The following KDM2A variants were observed in gnomAD, a reference collection of about 807,000 sequenced individuals.
The protein encoded by KDM2A is lysine demethylase 2A, also known as lysine-specific demethylase 2A.
Under a neutral mutation model 137.3 loss-of-function variants are expected in KDM2A, and 3 were observed. That is an observed-to-expected ratio of 0.02 (90% CI 0.01 to 0.06). KDM2A has a LOEUF of 0.06. KDM2A is among the 10% of genes least tolerant of loss of function. The pLI is 1.00. For missense variants in KDM2A, 738 were observed against 1,510.6 expected, an observed-to-expected ratio of 0.49 and a Z score of 8.48; for synonymous variants, 512 against 541.5, an observed-to-expected ratio of 0.95 and a Z score of 0.76.
At chr11:67,158,446 A>G (rs923108967) in intron 2 of KDM2A, among the ~76,000 whole-genome samples, 1 of 152,174 alleles carries the variant, frequency 6.6e-6, no homozygotes, top group Non-Finnish European at 1.5e-5. Context: ...AGCACATTTT[A>G]TGGTAAGAGT....
intron 5 of KDM2A, among the ~76,000 whole-genome samples, chr11:67,198,335 A>C (rs1449869930): frequency 6.6e-6 from 1 of 151,464 alleles, no homozygotes; most frequent in Non-Finnish European, 1.5e-5. Flanking sequence ...TTTTTTTAAC[A>C]AATTGAAGGT....
chr11:67,240,020 G>GCTCGGCTCCCC, intron 12 of KDM2A: 1 of 1,288,666 alleles, frequency 7.8e-7, no homozygotes, highest in South Asian at 2.5e-5. Context: ...GCTCACTCTC[G>GCTCGGCTCCCC]CTCGGCTCCC....
At chr11:67,234,492 T>C (rs1858809734) in intron 12 of KDM2A, among the ~76,000 whole-genome samples, 1 of 152,188 alleles carries the variant, frequency 6.6e-6, no homozygotes, top group South Asian at 2.1e-4. Context: ...TAAAAGGGCT[T>C]TTTTTAGGTT....
chr11:67,224,181 C>T (rs914001629), intron 10 of KDM2A, among the ~76,000 whole-genome samples: 2 of 152,162 alleles, frequency 1.3e-5, no homozygotes, highest in Non-Finnish European at 2.9e-5. Context: ...GAACACTACC[C>T]GATATAGAGT....
At chr11:67,224,439 C>T (rs75987494) in intron 10 of KDM2A, among the ~76,000 whole-genome samples, 6 of 149,780 alleles carry the variant, frequency 4.0e-5, no homozygotes, top group Admixed American at 6.7e-5. Flanking sequence ...AGACCCTGTC[C>T]GTACCAAAAA....
At chr11:67,193,144 C>T (rs1857397465) in intron 5 of KDM2A, among the ~76,000 whole-genome samples, 1 of 152,136 alleles carries the variant, frequency 6.6e-6, no homozygotes, top group Non-Finnish European at 1.5e-5. Context: ...CTCTTGCCAC[C>T]ACACCCGGCT....
At chr11:67,209,793 G>A (rs1321423180) in intron 6 of KDM2A, among the ~76,000 whole-genome samples, 2 of 152,166 alleles carry the variant, frequency 1.3e-5, no homozygotes, top group African/African-American at 4.8e-5. Context: ...ACACACGTTG[G>A]CTCATGCCTG....
At chr11:67,138,043 G>T (rs1856006542) in intron 2 of KDM2A, among the ~76,000 whole-genome samples, 1 of 152,088 alleles carries the variant, frequency 6.6e-6, no homozygotes, top group African/African-American at 2.4e-5. Flanking sequence ...TGATTCGCCT[G>T]CCTCAGCCTC....
intron 2 of KDM2A, among the ~76,000 whole-genome samples, chr11:67,126,242 G>A (rs1196248705): frequency 7.4e-6 from 1 of 135,602 alleles, no homozygotes; most frequent in Non-Finnish European, 1.6e-5. Flanking sequence ...GCAAAACTCC[G>A]TCTCAAAAAA....
chr11:67,120,199 C>A (rs1438272138), intron 1 of KDM2A, 150 bp downstream of exon 1: 1 of 152,418 alleles, frequency 6.6e-6, no homozygotes, highest in African/African-American at 2.4e-5. Flanking sequence ...CCTTTTTCCT[C>A]TCCGGCCCTG....
intron 12 of KDM2A, among the ~76,000 whole-genome samples, chr11:67,232,624 A>G (rs1451085361): frequency 6.7e-6 from 1 of 150,184 alleles, no homozygotes; most frequent in Non-Finnish European, 1.5e-5. Context: ...TCCTAATGCT[A>G]TCCCTCCTCC....
rs1859401058 is a variant in KDM2A at position 67,250,880 on chromosome 11, G to A, written c.2768+82G>A. ...TCCATATGAGAACAGCATGCACCTT[G>A]GCATCTGAAAGCCTGTGGGGTCTTA... On this transcript the variant is annotated intron_variant, in intron 17 of 20. Transcript: ENST00000529006. This position sits in a 1 kb window ranked among gnomAD's most constrained non-coding sequence, Gnocchi z 7.1. 1.9e-6 allele frequency: 2 copies of A among 1,074,692 alleles called. No individual in the cohort carries two copies. The highest frequency in any genetic ancestry group is 1.6e-5 in the African/African-American group (1 of 63,378). The allele number at this position is 1,074,692 out of a possible 1,614,324, so 66.6% of individuals were successfully genotyped here.
At chr11:67,156,898 A>G (rs1018815124) in intron 2 of KDM2A, among the ~76,000 whole-genome samples, 1 of 151,542 alleles carries the variant, frequency 6.6e-6, no homozygotes, top group Non-Finnish European at 1.5e-5. Flanking sequence ...TCAAAAAGAA[A>G]ATATGAAATA....
intron 8 of KDM2A, 172 bp from the exon 9 acceptor site, chr11:67,217,559 T>A: frequency 1.6e-6 from 1 of 622,758 alleles, no homozygotes; most frequent in South Asian, 1.9e-5. Context: ...ATAAGAAAGA[T>A]CTACTGCCTT....
chr11:67,241,069 T>C (rs1423695996), intron 12 of KDM2A, among the ~76,000 whole-genome samples: 1 of 152,240 alleles, frequency 6.6e-6, no homozygotes, highest in Non-Finnish European at 1.5e-5. Context: ...GCAGTCTGTT[T>C]TGCTGAAAGT....
intron 2 of KDM2A, among the ~76,000 whole-genome samples, chr11:67,137,024 G>A (rs1432547509): frequency 6.6e-6 from 1 of 152,166 alleles, no homozygotes; most frequent in East Asian, 1.9e-4. Context: ...CCTGAGAGAG[G>A]CTTTGAAGTT....
intron 5 of KDM2A, 25 bp downstream of exon 5, chr11:67,181,917 G>A (rs1857099742): frequency 1.2e-6 from 2 of 1,606,678 alleles, no homozygotes; most frequent in African/African-American, 2.7e-5. Flanking sequence ...TTTGGCCTCT[G>A]TCTTTAAGGC....
Position 67,255,380 on chromosome 11 carries a change from T to G in KDM2A, c.*325T>G. On this transcript the variant is annotated 3_prime_UTR_variant, in exon 21 of 21. Coordinates refer to ENST00000529006, the MANE Select transcript of KDM2A (RefSeq NM_012308.3). ...TTGGGGTGTTTGTGCAACCTTCATC[T>G]GCACTGGGCCCTGTGCCCCTCCTCC... The G allele has an allele frequency of 2.2e-6, 1 of 458,138 alleles. No individual in the cohort carries two copies. The highest frequency in any genetic ancestry group is 4.3e-6 in the Non-Finnish European group (1 of 233,198). The allele number at this position is 458,138 out of a possible 1,614,324, so 28.4% of individuals were successfully genotyped here.
intron 12 of KDM2A, among the ~76,000 whole-genome samples, chr11:67,239,320 G>A (rs751525867): frequency 7.9e-5 from 12 of 152,172 alleles, no homozygotes; most frequent in Admixed American, 2.0e-4. Flanking sequence ...ACTGCTGCAG[G>A]ATTGCTGCGC....
Sources: allele counts gnomAD v4.1 joint callset (sites outside exome capture counted in the v4.1 genomes callset), GRCh38; gene constraint gnomAD v4.1.1; non-coding constraint Gnocchi (gnomAD v3.1); transcripts MANE v1.5; gene names NCBI Gene and HGNC (gene_info 2026-07-23, HGNC 2026-07-21).